The following NLRP5 variants were observed in gnomAD, a reference collection of about 807,000 sequenced individuals.
The protein encoded by NLRP5 is NACHT, LRR and PYD domains-containing protein 5.
Under a neutral mutation model 113.1 loss-of-function variants are expected in NLRP5, and 93 were observed. The observed-to-expected ratio is 0.82, with a 90% confidence interval of 0.70 to 0.98. The LOEUF (loss-of-function observed/expected upper bound fraction) is 0.98. Among genes scored for constraint, NLRP5 ranks in the 50% least tolerant of loss-of-function variants. The pLI, the probability that NLRP5 is intolerant of heterozygous loss-of-function variation, is 0.00. For missense variants in NLRP5, 1,808 were observed against 1,514.3 expected, an observed-to-expected ratio of 1.19 and a Z score of -3.22; for synonymous variants, 751 against 600.7, an observed-to-expected ratio of 1.25 and a Z score of -3.66.
chr19:56,043,396 A>G (rs967509158), intron 11 of NLRP5, among the ~76,000 whole-genome samples: 7 of 151,776 alleles, frequency 4.6e-5, no homozygotes, highest in African/African-American at 1.5e-4. Flanking sequence ...GGCCATTTGT[A>G]TATCTTGAGA....
At chr19:56,000,111 A>T (rs1012249494) in intron 1 of NLRP5, among the ~76,000 whole-genome samples, 1 of 151,632 alleles carries the variant, frequency 6.6e-6, no homozygotes, top group African/African-American at 2.4e-5. Context: ...CACTCTTTTC[A>T]ATGACAGTTG....
chr19:55,998,714 G>A (rs202237672), upstream of NLRP5, among the ~76,000 whole-genome samples: 9,178 of 74,554 alleles, frequency 0.12, 899 homozygotes, highest in African/African-American at 0.18. Flanking sequence ...GTGTGTGTGT[G>A]TATATATATA....
intron 14 of NLRP5, 80 bp from the exon 15 acceptor site, chr19:56,061,316 T>C (rs1984344520): frequency 6.6e-7 from 1 of 1,507,152 alleles, no homozygotes; most frequent in African/African-American, 1.4e-5. Context: ...AGATCCTTGA[T>C]GAGGCTACCA....
intron 6 of NLRP5, among the ~76,000 whole-genome samples, chr19:56,024,584 T>TAC (rs369128981): frequency 0.048 from 7,116 of 147,236 alleles, 252 homozygotes; most frequent in African/African-American, 0.055. Context: ...TATATATACA[T>TAC]ACACACACAC....
At chr19:56,024,013 C>A (rs1189093623) in intron 6 of NLRP5, among the ~76,000 whole-genome samples, 1 of 152,002 alleles carries the variant, frequency 6.6e-6, no homozygotes, top group Non-Finnish European at 1.5e-5. Flanking sequence ...GAGGCTGGAA[C>A]TATTGAGGCA....
chr19:56,059,390 C>G (rs1487268902), intron 14 of NLRP5, among the ~76,000 whole-genome samples: 2 of 152,178 alleles, frequency 1.3e-5, no homozygotes, highest in African/African-American at 2.4e-5. Context: ...TTTAGGAGCT[C>G]ATATCCGTAG....
chr19:55,995,352 G>C (rs1981291534), upstream of NLRP5, among the ~76,000 whole-genome samples: 1 of 151,960 alleles, frequency 6.6e-6, no homozygotes, highest in Non-Finnish European at 1.5e-5. Context: ...AGAACTTAAA[G>C]TATTAAAAAA....
At chr19:56,017,598 T>C (rs139404338) in intron 4 of NLRP5, among the ~76,000 whole-genome samples, 2 of 152,364 alleles carry the variant, frequency 1.3e-5, no homozygotes, top group East Asian at 3.9e-4. Context: ...TCTAATCTTA[T>C]TTCATTGTGT....
At chr19:56,046,399 CGTGT>C (rs139653516) in intron 11 of NLRP5, among the ~76,000 whole-genome samples, 13 of 148,176 alleles carry the variant, frequency 8.8e-5, no homozygotes, top group African/African-American at 2.5e-4. Flanking sequence ...TTTGTAGTTT[CGTGT>C]GTGTGTGTGT....
chr19:56,027,037 T>G lies in NLRP5; in HGVS notation c.804T>G (p.Gly268=). Residue 268 remains glycine (G), a synonymous_variant, in exon 7 of 15, where the codon GGT becomes GGG. Coordinates refer to ENST00000390649, the MANE Select transcript of NLRP5 (RefSeq NM_153447.4). ...GGCCGGAAATGCAAACGTTGGCTGG[T>G]GCTTTTGATTCAGACCGGTGGGGCT... The G allele has an allele frequency of 6.4e-7, 1 of 1,552,760 alleles. No homozygotes were observed. The highest frequency in any genetic ancestry group is 8.7e-7 in the Non-Finnish European group (1 of 1,147,650).
chr19:56,010,012 A>G (rs1982120258), intron 3 of NLRP5, among the ~76,000 whole-genome samples: 1 of 152,208 alleles, frequency 6.6e-6, no homozygotes, highest in East Asian at 1.9e-4. Flanking sequence ...TTTATAAGTT[A>G]CCAAATGGTG....
At chr19:56,009,478 T>C (rs34981810) in intron 3 of NLRP5, among the ~76,000 whole-genome samples, 49,698 of 151,460 alleles carry the variant, frequency 0.33, 8,372 homozygotes, top group Admixed American at 0.38. Context: ...GAGGCTTTGG[T>C]GGAAAGAATC....
chr19:56,040,091 C>A (rs965649955), intron 10 of NLRP5, among the ~76,000 whole-genome samples: 5 of 152,174 alleles, frequency 3.3e-5, no homozygotes, highest in Non-Finnish European at 7.3e-5. Context: ...GCTGGGACTA[C>A]ATGCATGTAC....
chr19:56,011,838 C>T (rs7246640), intron 3 of NLRP5, among the ~76,000 whole-genome samples: 56,616 of 151,204 alleles, frequency 0.37, 10,776 homozygotes, highest in Admixed American at 0.41. Context: ...ATTACACACG[C>T]GCGCCACCGT....
At chr19:56,006,511 C>A (rs1981919575) in intron 2 of NLRP5, among the ~76,000 whole-genome samples, 2 of 151,874 alleles carry the variant, frequency 1.3e-5, no homozygotes, top group Non-Finnish European at 2.9e-5. Flanking sequence ...GTGGGTGGAT[C>A]ATTTGAGGTC....
intron 13 of NLRP5, among the ~76,000 whole-genome samples, chr19:56,055,563 T>TA (rs1984106987): frequency 8.6e-6 from 1 of 116,806 alleles, no homozygotes; most frequent in Non-Finnish European, 1.8e-5. Flanking sequence ...TTTTTTTTTT[T>TA]AAGATAGAGT....
intron 3 of NLRP5, among the ~76,000 whole-genome samples, chr19:56,013,860 T>C (rs997590335): frequency 6.6e-6 from 1 of 152,164 alleles, no homozygotes; most frequent in Non-Finnish European, 1.5e-5. Flanking sequence ...ACCATCCTAG[T>C]AGTTATGAAA....
In NLRP5 at chr19:56,061,728, T is replaced by A. The variant is rs72629150; in HGVS notation, c.*200T>A. ...GATTTGAAGGCTAGAGACCTTCAAG[T>A]CATAGGACTCAGTATCTGTGAAATG... On this transcript the variant is annotated 3_prime_UTR_variant, in exon 15 of 15. Transcript: ENST00000390649. 88,195 of 579,386 alleles carry A rather than the reference T, an allele frequency of 0.15. 7,658 individuals are homozygous for A. Among genetic ancestry groups the A allele is most frequent in the East Asian group, 0.33 (11,071 of 33,756 alleles). 35.9% of individuals were successfully genotyped at this position (579,386 alleles called of 1,614,324 possible). A position where few individuals can be genotyped will look rare whatever the true frequency, so the allele number is the denominator to read the frequency against.
At chr19:56,045,542 G>A (rs1425375053) in intron 11 of NLRP5, among the ~76,000 whole-genome samples, 4 of 151,808 alleles carry the variant, frequency 2.6e-5, no homozygotes, top group Admixed American at 1.3e-4. Context: ...GATATATCTC[G>A]TAATGCTATC....
Sources: allele counts gnomAD v4.1 joint callset (sites outside exome capture counted in the v4.1 genomes callset), GRCh38; gene constraint gnomAD v4.1.1; transcripts MANE v1.5; gene names NCBI Gene and HGNC (gene_info 2026-07-23, HGNC 2026-07-21).